CENPF: variants seen among roughly 807,000 people sequenced by gnomAD.
The protein encoded by CENPF is AH antigen.
Under a neutral mutation model 307.3 loss-of-function variants are expected in CENPF, and 214 were observed. The observed-to-expected ratio is 0.70, with a 90% CI of 0.62 to 0.78. CENPF has a LOEUF of 0.78. Ranked by LOEUF, CENPF falls within the 30% of genes least tolerant of loss-of-function variation. The probability of loss-of-function intolerance (pLI) is 0.00; values close to 1 mark genes in which losing one functional copy is unlikely to be tolerated. For missense variants in CENPF, 3,401 were observed against 3,483.9 expected, an observed-to-expected ratio of 0.98 and a Z score of 0.60; for synonymous variants, 1,259 against 1,270.6, an observed-to-expected ratio of 0.99 and a Z score of 0.19.
At chr1:214,613,943 G>T (rs758412777) in intron 2 of CENPF, 27 bp downstream of exon 2, 1 of 1,583,188 alleles carries the variant, frequency 6.3e-7, no homozygotes, top group South Asian at 1.2e-5. Flanking sequence ...GGTATTTGTA[G>T]CTGTTCACTC....
intron 7 of CENPF, among the ~76,000 whole-genome samples, chr1:214,628,232 G>A (rs1286205604): frequency 6.6e-6 from 1 of 152,180 alleles, no homozygotes; most frequent in Non-Finnish European, 1.5e-5. Context: ...TAAATAAAAT[G>A]TAAGTACCTT....
chr1:214,653,197 T>C, intron 16 of CENPF: 1 of 536,566 alleles, frequency 1.9e-6, no homozygotes, highest in Non-Finnish European at 3.5e-6. Context: ...AGCTATCCAT[T>C]GCCTCATGCA....
At position 214,652,933 on chromosome 1, in the gene CENPF, C is replaced by A; in HGVS notation, c.8266C>A (p.Leu2756Ile). 6.2e-7 allele frequency: 1 copy of A among 1,607,058 alleles called. No individual in the cohort carries two copies. Among genetic ancestry groups the A allele is most frequent in the Non-Finnish European group, 8.5e-7 (1 of 1,177,610 alleles). The change falls in exon 16 of 20, where the codon CTC becomes ATC. Residue 2756 changes from leucine (L) to isoleucine (I), a missense_variant. Transcript: ENST00000366955. The part of the protein sequence containing the change: ...IDLLKSSKEE[L>I]NNSLKATTQI... ...CCTTTTAAAGTCTAGTAAAGAAGAG[C>A]TCAATAATTCATTGAAAGCTACTAC...
At chr1:214,621,067 A>T in intron 6 of CENPF, 121 bp downstream of exon 6, 1 of 811,082 alleles carries the variant, frequency 1.2e-6, no homozygotes, top group Admixed American at 2.6e-5. Context: ...GGTGTTCAAC[A>T]TCCTAGACTG....
chr1:214,616,823 T>A (rs1341390742), intron 3 of CENPF, among the ~76,000 whole-genome samples: 1 of 150,380 alleles, frequency 6.6e-6, no homozygotes, highest in African/African-American at 2.5e-5. Context: ...TCCTTCCTTC[T>A]TTCCTTCCTT....
chr1:214,647,316 A>G lies in CENPF; in HGVS notation c.7746A>G (p.Thr2582=). ...CCAAAAATGCCTCTTTGCAGGACAC[A>G]TTAGAAGTGCTGCAGAGTTCTTACA... ...LQSKNASLQD[T]LEVLQSSYKN... is the part of the protein sequence containing the mutation. Residue 2582 remains threonine, a synonymous_variant, in exon 13 of 20, where the codon ACA becomes ACG. Transcript: ENST00000366955. The G allele has an allele frequency of 6.2e-7, 1 of 1,614,032 alleles. No homozygotes were observed. Among genetic ancestry groups the G allele is most frequent in the Non-Finnish European group, 8.5e-7 (1 of 1,179,934 alleles).
At chr1:214,635,186 T>C (rs1657922512) in intron 10 of CENPF, among the ~76,000 whole-genome samples, 1 of 152,158 alleles carries the variant, frequency 6.6e-6, no homozygotes. Flanking sequence ...GCAAGAGAGA[T>C]GAGGAGGAAA....
chr1:214,610,478 T>C (rs921362498), intron 1 of CENPF, among the ~76,000 whole-genome samples: 1 of 148,222 alleles, frequency 6.7e-6, no homozygotes, highest in Non-Finnish European at 1.5e-5. Context: ...TAGCCACATG[T>C]ATTTTTTTTT....
intron 1 of CENPF, chr1:214,608,776 A>G: frequency 6.2e-7 from 1 of 1,600,940 alleles, no homozygotes; most frequent in Non-Finnish European, 8.5e-7. Flanking sequence ...CTTGGCAGCG[A>G]TGCGGCCGGG....
chr1:214,647,332 A>G lies in CENPF; in HGVS notation c.7762A>G (p.Ser2588Gly). The part of the protein sequence containing the change: ...SLQDTLEVLQ[S>G]SYKNLENELE... Reference sequence around the variant, plus strand: ...GCAGGACACATTAGAAGTGCTGCAGAGTTCTTACAAGAATCTAGAGAATGA... The same window carrying G: ...GCAGGACACATTAGAAGTGCTGCAGGGTTCTTACAAGAATCTAGAGAATGA... Residue 2588 changes from serine (S) to glycine (G), a missense_variant, in exon 13 of 20, where the codon AGT becomes GGT. By Grantham distance (56) the Ser-to-Gly change is moderately conservative. Transcript: ENST00000366955. The G allele has an allele frequency of 1.2e-6, 2 of 1,613,062 alleles. No homozygotes were observed.
chr1:214,621,963 A>T, intron 6 of CENPF, 116 bp from the exon 7 acceptor site: 1 of 765,708 alleles, frequency 1.3e-6, no homozygotes, highest in Non-Finnish European at 2.1e-6. Flanking sequence ...TTCTGTATTT[A>T]GTGTAAATAT....
intron 1 of CENPF, among the ~76,000 whole-genome samples, chr1:214,603,845 A>G (rs1656954087): frequency 6.6e-6 from 1 of 151,118 alleles, no homozygotes. Flanking sequence ...CTTTTTTTAA[A>G]TAGAGATAGG....
At chr1:214,636,249 A>G (rs1172710582) in intron 10 of CENPF, among the ~76,000 whole-genome samples, 1 of 152,244 alleles carries the variant, frequency 6.6e-6, no homozygotes, top group Non-Finnish European at 1.5e-5. Flanking sequence ...CTGAGTCTGA[A>G]GAACAAACCA....
At chr1:214,651,641 T>G in intron 14 of CENPF, 69 bp from the exon 15 acceptor site, 1 of 1,230,488 alleles carries the variant, frequency 8.1e-7, no homozygotes, top group Non-Finnish European at 1.1e-6. Flanking sequence ...ACACATTATT[T>G]CCTAAAAATA....
At position 214,644,642 on chromosome 1, in the gene CENPF, A is replaced by G. The variant is rs976958912; in HGVS notation, c.5072A>G (p.His1691Arg). 3.7e-6 allele frequency: 6 copies of G among 1,613,986 alleles called. No individual in the cohort carries two copies. Among genetic ancestry groups the G allele is most frequent in the African/African-American group, 2.7e-5 (2 of 74,936 alleles). Residue 1691 changes from histidine (H) to arginine (R), a missense_variant, in exon 13 of 20, where the codon CAT becomes CGT. Coordinates refer to ENST00000366955, the MANE Select transcript of CENPF (RefSeq NM_016343.4). Reference sequence around the variant, plus strand: ...GAAAGAACACCAAAGCATGATGTTCATCAGATTTGTGATAAAGATGCTCAG... The same window carrying G: ...GAAAGAACACCAAAGCATGATGTTCGTCAGATTTGTGATAAAGATGCTCAG... ...TTERTPKHDV[H>R]QICDKDAQQD... is the part of the protein sequence containing the mutation.
rs951721302 is a variant in CENPF at position 214,630,400 on chromosome 1, A to G, written c.1195-134A>G. 42 of 1,037,540 alleles carry G rather than the reference A, an allele frequency of 4.0e-5. No individual in the cohort carries two copies. In the African/African-American group the frequency reaches 6.7e-4, roughly 17 times the overall value. The allele number at this position is 1,037,540 out of a possible 1,614,324, so 64.3% of individuals were successfully genotyped here. On this transcript the variant is annotated intron_variant, in intron 8 of 19. Coordinates refer to ENST00000366955, the MANE Select transcript of CENPF (RefSeq NM_016343.4). ...CCAAGGCTGACTATGTTCATCGTTAAGTGGACAGTTGGCTCAGCTCCCTGC... is the reference window on the plus strand; with the variant it reads ...CCAAGGCTGACTATGTTCATCGTTAGGTGGACAGTTGGCTCAGCTCCCTGC...
chr1:214,634,421 T>C (rs779532418), intron 10 of CENPF, among the ~76,000 whole-genome samples: 8 of 152,048 alleles, frequency 5.3e-5, no homozygotes, highest in Non-Finnish European at 8.8e-5. Flanking sequence ...TTAGAGTGAG[T>C]GAGATCTGAG....
intron 1 of CENPF, among the ~76,000 whole-genome samples, chr1:214,610,206 C>T (rs1169272006): frequency 6.6e-6 from 1 of 152,030 alleles, no homozygotes; most frequent in East Asian, 1.9e-4. Context: ...TGGGTATATA[C>T]CCAGGAATGA....
intron 10 of CENPF, among the ~76,000 whole-genome samples, chr1:214,636,737 GTTTC>G (rs1353555962): frequency 6.6e-6 from 1 of 152,156 alleles, no homozygotes; most frequent in East Asian, 1.9e-4. Flanking sequence ...GGTCTTAATT[GTTTC>G]TTTAAGATTC....
Sources: gnomAD v4.1 joint callset for allele counts (sites outside exome capture counted in the v4.1 genomes callset) on GRCh38, gnomAD v4.1.1 for gene constraint, MANE v1.5 for transcripts, NCBI Gene and HGNC (gene_info 2026-07-23, HGNC 2026-07-21) for gene names.